The following XRCC2 variants were observed in gnomAD, a reference collection of about 807,000 sequenced individuals.
The protein encoded by XRCC2 is X-ray repair cross complementing 2, also known as DNA repair protein XRCC2.
Under a neutral mutation model 27.3 loss-of-function variants are expected in XRCC2, and 24 were observed. The ratio of observed to expected loss-of-function variants is 0.88; its 90% CI spans 0.64 to 1.24. The LOEUF is 1.24. XRCC2 is among the 50% of genes most tolerant of loss of function. The pLI is 0.00. For missense variants in XRCC2, 321 were observed against 325.8 expected, an observed-to-expected ratio of 0.99 and a Z score of 0.11; for synonymous variants, 106 against 115.4, an observed-to-expected ratio of 0.92 and a Z score of 0.52.
At chr7:152,662,320 G>A (rs1043959710) in intron 1 of XRCC2, among the ~76,000 whole-genome samples, 1 of 151,930 alleles carries the variant, frequency 6.6e-6, no homozygotes, top group African/African-American at 2.4e-5. Context: ...GATGTGAGGA[G>A]AGTTAAAACC....
intron 1 of XRCC2, among the ~76,000 whole-genome samples, chr7:152,662,206 T>C (rs960999642): frequency 1.3e-5 from 2 of 152,116 alleles, no homozygotes; most frequent in South Asian, 2.1e-4. Flanking sequence ...CCTCAAATGA[T>C]CCGCTCCCAT....
In XRCC2 at chr7:152,676,090, G is replaced by A. The variant is rs889905664; in HGVS notation, c.-11C>T. 4 of 1,613,780 alleles carry A rather than the reference G, an allele frequency of 2.5e-6. No homozygotes were observed. Among genetic ancestry groups the A allele is most frequent in the Non-Finnish European group, 3.4e-6 (4 of 1,179,786 alleles). On this transcript the variant is annotated 5_prime_UTR_variant, in exon 1 of 3. Transcript: ENST00000359321. ...GAAGGCACTACACATCGCCCCGAAG[G>A]CTCGGCGCAGGAGAGACTCAACTTT...
rs758944840 is a variant in XRCC2, at chr7:152,649,029, T to G, written c.456A>C (p.Ser152=). The change falls in exon 3 of 3, where the codon TCA becomes TCC. Residue 152 remains serine, a synonymous_variant. Transcript: ENST00000359321. The part of the protein sequence containing the change: ...SLCLLILDSL[S]AFYWIDRVNG... ...TGACGCGGTCTATCCAGTAAAAAGCTGACAGGCTATCCAAAATCAAAAGGC... is the reference window on the plus strand; with the variant it reads ...TGACGCGGTCTATCCAGTAAAAAGCGGACAGGCTATCCAAAATCAAAAGGC... 3.3e-5 allele frequency: 54 copies of G among 1,614,096 alleles called. No individual in the cohort carries two copies. The highest frequency in any genetic ancestry group is 4.4e-5 in the Non-Finnish European group (52 of 1,180,048).
intron 1 of XRCC2, among the ~76,000 whole-genome samples, chr7:152,669,969 G>A (rs1420610975): frequency 6.6e-6 from 1 of 151,816 alleles, no homozygotes; most frequent in Non-Finnish European, 1.5e-5. Flanking sequence ...AAGTTAGGCA[G>A]GTGCTGTAAC....
chr7:152,667,419 A>AG (rs1473375358), intron 1 of XRCC2, among the ~76,000 whole-genome samples: 2 of 74,576 alleles, frequency 2.7e-5, no homozygotes, highest in Admixed American at 1.3e-4. Context: ...AAAAAAAAAA[A>AG]AAAAAAAGAA....
chr7:152,652,125 T>C (rs1040206470), intron 2 of XRCC2, among the ~76,000 whole-genome samples: 1 of 151,050 alleles, frequency 6.6e-6, no homozygotes. Context: ...ATCATGCCAC[T>C]GCACTCTAGC....
At chr7:152,672,631 C>T (rs573202976) in intron 1 of XRCC2, among the ~76,000 whole-genome samples, 1 of 152,130 alleles carries the variant, frequency 6.6e-6, no homozygotes, top group Non-Finnish European at 1.5e-5. Flanking sequence ...TCTCAGCCTC[C>T]AAAATACGTC....
Position 152,648,424 on chromosome 7 carries a change from AAAAAG to A in XRCC2, c.*213_*217del, listed in dbSNP as rs928108256. ...GACTGTTTCAAAAAGAAAAAAAAAA[AAAAAG>A]AAAACTTTTGGCCACGAGCAGTGGC... On this transcript the variant is annotated 3_prime_UTR_variant, in exon 3 of 3. Coordinates refer to ENST00000359321, the MANE Select transcript of XRCC2 (RefSeq NM_005431.2). The A allele has an allele frequency of 5.5e-6, 2 of 365,608 alleles. No homozygotes were observed. Among genetic ancestry groups the A allele is most frequent in the African/African-American group, 4.2e-5 (2 of 47,388 alleles). 22.6% of individuals were successfully genotyped at this position (365,608 alleles called of 1,614,324 possible). A position where few individuals can be genotyped will look rare whatever the true frequency, so the allele number is the denominator to read the frequency against.
intron 2 of XRCC2, among the ~76,000 whole-genome samples, chr7:152,657,097 G>A (rs2098030988): frequency 6.6e-6 from 1 of 151,680 alleles, no homozygotes; most frequent in Non-Finnish European, 1.5e-5. Context: ...TTAGCCAGGT[G>A]TGGTAGCACA....
In XRCC2 at chr7:152,648,565, G is replaced by A; in HGVS notation, c.*77C>T. 6.9e-7 allele frequency: 1 copy of A among 1,459,200 alleles called. No individual in the cohort carries two copies. Among genetic ancestry groups the A allele is most frequent in the Non-Finnish European group, 9.1e-7 (1 of 1,101,626 alleles). The allele number at this position is 1,459,200 out of a possible 1,614,324, so 90.4% of individuals were successfully genotyped here. A position where few individuals can be genotyped will look rare whatever the true frequency, so the allele number is the denominator to read the frequency against. On this transcript the variant is annotated 3_prime_UTR_variant, in exon 3 of 3. Coordinates refer to ENST00000359321, the MANE Select transcript of XRCC2 (RefSeq NM_005431.2). ...TGTGCCACTGCACTCCAGCCTGGGA[G>A]ACAGAGCAAGACTCTGTCTTAAGAA...
At chr7:152,658,148 TTC>T (rs1230707868) in intron 2 of XRCC2, among the ~76,000 whole-genome samples, 1 of 151,516 alleles carries the variant, frequency 6.6e-6, no homozygotes, top group East Asian at 1.9e-4. Context: ...CTTTTTCTTT[TTC>T]TTTTTTTTTT....
chr7:152,674,498 G>C (rs1188374283), intron 1 of XRCC2, among the ~76,000 whole-genome samples: 2 of 151,502 alleles, frequency 1.3e-5, no homozygotes, highest in African/African-American at 4.8e-5. Context: ...TGTAATCCCA[G>C]CTACTTGGGA....
chr7:152,659,249 T>C (rs993626566), intron 2 of XRCC2, among the ~76,000 whole-genome samples: 1 of 152,178 alleles, frequency 6.6e-6, no homozygotes, highest in African/African-American at 2.4e-5. Context: ...AAAAGTTATA[T>C]GTGCTTAACA....
Position 152,647,589 on chromosome 7 carries a change from G to A in XRCC2, c.*1053C>T, listed in dbSNP as rs906576798. 2 of 152,140 alleles carry A rather than the reference G, an allele frequency of 1.3e-5. No homozygotes were observed. The highest frequency in any genetic ancestry group is 2.9e-5 in the Non-Finnish European group (2 of 68,044). 9.4% of individuals were successfully genotyped at this position (152,140 alleles called of 1,614,324 possible). A position where few individuals can be genotyped will look rare whatever the true frequency, so the allele number is the denominator to read the frequency against. The stretch of plus-strand genomic sequence containing the variant: ...AATTTTTGTATATGGCATAAGGAAG[G>A]CGTCCATTTTCAATCTTTTCCATAT... On this transcript the variant is annotated 3_prime_UTR_variant, in exon 3 of 3. Transcript: ENST00000359321.
chr7:152,670,474 G>GCATCAATT (rs1189215284), intron 1 of XRCC2, among the ~76,000 whole-genome samples: 9 of 152,174 alleles, frequency 5.9e-5, no homozygotes, highest in African/African-American at 2.2e-4. Flanking sequence ...TTGGATAATT[G>GCATCAATT]ATGCAAACCT....
intron 1 of XRCC2, among the ~76,000 whole-genome samples, chr7:152,670,780 G>C (rs1162665533): frequency 6.6e-6 from 1 of 151,438 alleles, no homozygotes; most frequent in Non-Finnish European, 1.5e-5. Flanking sequence ...TGTATTTTTA[G>C]TAGAGACAGG....
intron 2 of XRCC2, among the ~76,000 whole-genome samples, chr7:152,652,302 C>T (rs3218522): frequency 0.38 from 57,627 of 151,824 alleles, 12,577 homozygotes; most frequent in Non-Finnish European, 0.47. Flanking sequence ...TGTGCCCTCT[C>T]TTACTATGTT....
At chr7:152,666,217 A>ATT (rs900339408) in intron 1 of XRCC2, among the ~76,000 whole-genome samples, 13 of 150,082 alleles carry the variant, frequency 8.7e-5, no homozygotes, top group African/African-American at 2.4e-4. Context: ...TTCTTCAATA[A>ATT]TTTTTTTTTT....
chr7:152,654,085 A>G (rs1167057512), intron 2 of XRCC2, among the ~76,000 whole-genome samples: 1 of 150,764 alleles, frequency 6.6e-6, no homozygotes, highest in Non-Finnish European at 1.5e-5. Flanking sequence ...AATCCCAGCT[A>G]CTTGGGAGGC....
Sources: gnomAD v4.1 joint callset for allele counts (sites outside exome capture counted in the v4.1 genomes callset) on GRCh38, gnomAD v4.1.1 for gene constraint, MANE v1.5 for transcripts, NCBI Gene and HGNC (gene_info 2026-07-23, HGNC 2026-07-21) for gene names.